RAB30: variants seen among roughly 807,000 people sequenced by gnomAD.
RAB30 encodes the protein RAB30, member RAS oncogene family, also known as ras-related protein Rab-30.
In RAB30, 9 loss-of-function variants were observed where a neutral mutation model predicts 25.1. That is an observed-to-expected ratio of 0.36 (90% confidence interval 0.22 to 0.63). RAB30 has a LOEUF of 0.63. Ranked by LOEUF, RAB30 falls within the 20% of genes least tolerant of loss-of-function variation. RAB30 has a pLI of 0.69. For missense variants in RAB30, 140 were observed against 243.5 expected, an observed-to-expected ratio of 0.58 and a Z score of 2.83; for synonymous variants, 77 against 86.4, an observed-to-expected ratio of 0.89 and a Z score of 0.60.
intron 1 of RAB30, among the ~76,000 whole-genome samples, chr11:83,053,110 C>T (rs1340303391): frequency 3.9e-5 from 6 of 152,152 alleles, no homozygotes; most frequent in East Asian, 1.9e-4. Flanking sequence ...GGAAGGGAGG[C>T]GTCTATGCCC....
At chr11:83,050,547 T>C (rs1444391080) in intron 1 of RAB30, among the ~76,000 whole-genome samples, 1 of 152,202 alleles carries the variant, frequency 6.6e-6, no homozygotes, top group African/African-American at 2.4e-5. Flanking sequence ...GTTTTATTCA[T>C]TGTTACCTGG....
chr11:83,027,356 T>C (rs1182004702), intron 1 of RAB30, among the ~76,000 whole-genome samples: 2 of 152,192 alleles, frequency 1.3e-5, no homozygotes, highest in East Asian at 3.8e-4. Flanking sequence ...TAAGGCACTA[T>C]GTCTACAGAA....
intron 1 of RAB30, among the ~76,000 whole-genome samples, chr11:83,021,915 T>C (rs1857587808): frequency 6.6e-6 from 1 of 152,242 alleles, no homozygotes; most frequent in Admixed American, 6.5e-5. Context: ...GTCAGTTTTA[T>C]CTCTCCAACA....
At position 82,975,445 on chromosome 11, in the gene RAB30, A is replaced by T. The variant is rs1283104262; in HGVS notation, c.*6720T>A. The T allele has an allele frequency of 6.6e-6, 1 of 152,108 alleles. No homozygotes were observed. The highest frequency in any genetic ancestry group is 6.5e-5 in the Admixed American group (1 of 15,268). The allele number at this position is 152,108 out of a possible 1,614,324, so 9.4% of individuals were successfully genotyped here. On this transcript the variant is annotated 3_prime_UTR_variant, in exon 5 of 5. Transcript: ENST00000527633. ...TTATCTTTTGCTTTTCTGTACATGA[A>T]TTTTTTCTTTATTAGGCATTTTGTA...
intron 3 of RAB30, among the ~76,000 whole-genome samples, chr11:82,991,677 T>C (rs2121451482): frequency 6.6e-6 from 1 of 152,204 alleles, no homozygotes; most frequent in East Asian, 1.9e-4. Flanking sequence ...ATATTGGGCT[T>C]GAAAGAATCA....
At chr11:83,006,081 C>T (rs1857178806) in intron 1 of RAB30, among the ~76,000 whole-genome samples, 1 of 151,972 alleles carries the variant, frequency 6.6e-6, no homozygotes, top group South Asian at 2.1e-4. Context: ...CAAGTTTATC[C>T]TGTACTGGTG....
At chr11:83,066,110 C>G (rs758110019) in intron 1 of RAB30, among the ~76,000 whole-genome samples, 6 of 152,194 alleles carry the variant, frequency 3.9e-5, no homozygotes, top group Non-Finnish European at 7.3e-5. Context: ...ATATTAAATT[C>G]CTCCATACTT....
intron 1 of RAB30, among the ~76,000 whole-genome samples, chr11:83,009,334 G>A (rs1857256136): frequency 6.6e-6 from 1 of 152,148 alleles, no homozygotes. Context: ...CCAAAGTGCT[G>A]GAATTACAGG....
chr11:83,009,312 C>T (rs111521628), intron 1 of RAB30, among the ~76,000 whole-genome samples: 76 of 152,260 alleles, frequency 5.0e-4, no homozygotes, highest in African/African-American at 1.3e-3. Flanking sequence ...GCAATCCGCC[C>T]GCCTCGGCCT....
intron 1 of RAB30, among the ~76,000 whole-genome samples, chr11:83,032,887 A>G (rs1235921712): frequency 6.6e-6 from 1 of 151,756 alleles, no homozygotes; most frequent in Non-Finnish European, 1.5e-5. Flanking sequence ...CTTTCTCATA[A>G]TCTATCTATC....
At chr11:83,034,651 T>C (rs922390340) in intron 1 of RAB30, 1 of 152,190 alleles carries the variant, frequency 6.6e-6, no homozygotes, top group African/African-American at 2.4e-5. Context: ...GTGAGGAATC[T>C]TAACAAGCTT....
chr11:83,000,042 T>C (rs1857044222), intron 1 of RAB30, among the ~76,000 whole-genome samples: 2 of 152,192 alleles, frequency 1.3e-5, no homozygotes, highest in Non-Finnish European at 2.9e-5. Context: ...TTCTATATTA[T>C]TAAGTCACTT....
intron 2 of RAB30, among the ~76,000 whole-genome samples, chr11:82,996,811 G>A (rs1023595510): frequency 3.9e-5 from 6 of 152,232 alleles, no homozygotes; most frequent in Non-Finnish European, 8.8e-5. Context: ...GGCATAGGCA[G>A]AGTTTGATTG....
intron 1 of RAB30, among the ~76,000 whole-genome samples, chr11:83,061,400 T>A (rs1481453625): frequency 1.3e-5 from 2 of 152,122 alleles, no homozygotes; most frequent in Admixed American, 1.3e-4. Flanking sequence ...TCAGAAAAAT[T>A]TTTTAAAAGT....
At chr11:83,046,204 G>A (rs895276539) in intron 1 of RAB30, among the ~76,000 whole-genome samples, 10 of 152,244 alleles carry the variant, frequency 6.6e-5, no homozygotes, top group South Asian at 2.1e-4. Context: ...CCCAAACACC[G>A]TCCTGGAAAG....
intron 1 of RAB30, among the ~76,000 whole-genome samples, chr11:83,019,838 T>C (rs1590857383): frequency 6.6e-6 from 1 of 152,244 alleles, no homozygotes; most frequent in East Asian, 1.9e-4. Context: ...GTTAAAATTA[T>C]GGCTCTGTTC....
chr11:83,037,536 C>A (rs1858012721), intron 1 of RAB30, among the ~76,000 whole-genome samples: 1 of 152,170 alleles, frequency 6.6e-6, no homozygotes, highest in South Asian at 2.1e-4. Flanking sequence ...AGGTGTGAGC[C>A]ACTGGACCCA....
At chr11:83,052,609 C>T (rs1858379803) in intron 1 of RAB30, among the ~76,000 whole-genome samples, 4 of 152,230 alleles carry the variant, frequency 2.6e-5, no homozygotes, top group African/African-American at 9.6e-5. Flanking sequence ...CCTGACAAGA[C>T]ACTGTGCCCA....
At chr11:83,056,692 T>C (rs1432095108) in intron 1 of RAB30, among the ~76,000 whole-genome samples, 1 of 152,244 alleles carries the variant, frequency 6.6e-6, no homozygotes. Flanking sequence ...AAGACAGTCT[T>C]GATTTCTGGT....
Sources: gnomAD v4.1 joint callset for allele counts (sites outside exome capture counted in the v4.1 genomes callset) on GRCh38, gnomAD v4.1.1 for gene constraint, MANE v1.5 for transcripts, NCBI Gene and HGNC (gene_info 2026-07-23, HGNC 2026-07-21) for gene names.